Variants in SELENOF observed in about 807,000 individuals in gnomAD.
SELENOF encodes the protein selenoprotein F.
Under a neutral mutation model 20.5 loss-of-function variants are expected in SELENOF, and 16 were observed. The observed-to-expected ratio is 0.78, with a 90% confidence interval of 0.53 to 1.19. The LOEUF is 1.19. Ranked by LOEUF, SELENOF falls within the 50% of genes most tolerant of loss-of-function variation. SELENOF has a pLI of 0.00. For missense variants in SELENOF, 215 were observed against 194.2 expected (o/e 1.11, Z -0.64); for synonymous variants, 78 against 74.5 (o/e 1.05, Z -0.24).
At chr1:86,898,580 CTTTT>C (rs747362493) in intron 2 of SELENOF, among the ~76,000 whole-genome samples, 9 of 124,964 alleles carry the variant, frequency 7.2e-5, no homozygotes, top group African/African-American at 2.3e-4. Flanking sequence ...TTCTCTTCTT[CTTTT>C]TTTTTTTTTT....
At chr1:86,888,203 T>C (rs1370229540) in intron 2 of SELENOF, among the ~76,000 whole-genome samples, 1 of 149,534 alleles carries the variant, frequency 6.7e-6, no homozygotes, top group Non-Finnish European at 1.5e-5. Flanking sequence ...GAGGTTGCAG[T>C]GAGCTGAGAT....
intron 1 of SELENOF, among the ~76,000 whole-genome samples, chr1:86,907,262 G>C (rs1659854425): frequency 6.6e-6 from 1 of 152,104 alleles, no homozygotes; most frequent in African/African-American, 2.4e-5. Context: ...TTGGTATTAG[G>C]CTCACCTTCC....
intron 2 of SELENOF, among the ~76,000 whole-genome samples, chr1:86,885,624 A>C (rs1356224869): frequency 6.6e-6 from 1 of 152,194 alleles, no homozygotes; most frequent in Non-Finnish European, 1.5e-5. Context: ...GGTAACAATA[A>C]CCACGGCTCT....
chr1:86,883,169 G>T (rs1382326569), intron 2 of SELENOF, among the ~76,000 whole-genome samples: 1 of 150,854 alleles, frequency 6.6e-6, no homozygotes, highest in Non-Finnish European at 1.5e-5. Flanking sequence ...CAATATAAAC[G>T]AATCTTATTA....
At chr1:86,914,368 T>C (rs977423453), upstream of SELENOF, 4 of 528,996 alleles carry the variant, frequency 7.6e-6, no homozygotes, top group Non-Finnish European at 1.4e-5. Flanking sequence ...TTCACGACAC[T>C]TCGTCAAGCA....
chr1:86,871,809 A>G (rs1433571275), intron 3 of SELENOF, among the ~76,000 whole-genome samples: 1 of 140,906 alleles, frequency 7.1e-6, no homozygotes, highest in South Asian at 2.2e-4. Context: ...TGAATACATA[A>G]TATTATTTGT....
intron 1 of SELENOF, 45 bp from the exon 2 acceptor site, chr1:86,903,493 C>G (rs571015): frequency 3.4e-6 from 5 of 1,456,124 alleles, no homozygotes; most frequent in Non-Finnish European, 3.7e-6. Context: ...CATATTTATA[C>G]TACAAAGCTT....
At position 86,914,029 on chromosome 1, in the gene SELENOF, G is replaced by A. The variant is rs201462971; in HGVS notation, c.83C>T (p.Ala28Val). The A allele has an allele frequency of 4.2e-5, 68 of 1,613,528 alleles. No individual in the cohort carries two copies. Among genetic ancestry groups the A allele is most frequent in the Non-Finnish European group, 5.5e-5 (65 of 1,179,634 alleles). Residue 28 changes from alanine (A) to valine (V), a missense_variant and splice_region_variant, in exon 1 of 5, where the codon GCG becomes GTG. Physicochemically the swap from Ala to Val is moderately conservative, Grantham distance 64. Coordinates refer to ENST00000331835, the MANE Select transcript of SELENOF (RefSeq NM_004261.5). ...LRLLLATVLQAVSAFGAEFSS... is the reference protein window; with the variant it reads ...LRLLLATVLQVVSAFGAEFSS... The stretch of plus-strand genomic sequence containing the variant: ...GCTGCGAAGGTGATCTACACTCACC[G>A]CTTGAAGCACAGTCGCCAACAACAA...
rs539148437 is a variant in SELENOF at position 86,895,866 on chromosome 1, G to A, written c.252+7415C>T. ...AATTATATCAAAATATTTTGAAGGA[G>A]GAAGAAAGAAACTACAAGGACCTTG... On this transcript the variant is annotated intron_variant, in intron 2 of 4. Transcript: ENST00000331835. Among the ~76,000 whole-genome samples the A allele has an allele frequency of 3.9e-5, 6 of 152,204 alleles. No individual in the cohort carries two copies. In the South Asian group the frequency reaches 1.2e-3, roughly 32 times the overall value.
Position 86,880,523 on chromosome 1 carries a change from C to G in SELENOF, c.316+139G>C, listed in dbSNP as rs1267295685. The stretch of plus-strand genomic sequence containing the variant: ...CTTTAACAAACCACTTCCATGAAAA[C>G]AAATTGAAAAAAAAGCATATATTGT... On this transcript the variant is annotated intron_variant, in intron 3 of 4. Coordinates refer to ENST00000331835, the MANE Select transcript of SELENOF (RefSeq NM_004261.5). 19 of 494,568 alleles carry G rather than the reference C, an allele frequency of 3.8e-5. No homozygotes were observed. The East Asian group carries it at 6.0e-4, about 16-fold the overall frequency. 30.6% of individuals were successfully genotyped at this position (494,568 alleles called of 1,614,324 possible). A position where few individuals can be genotyped will look rare whatever the true frequency, so the allele number is the denominator to read the frequency against.
intron 1 of SELENOF, among the ~76,000 whole-genome samples, chr1:86,907,995 A>G (rs1446937053): frequency 7.1e-6 from 1 of 141,596 alleles, no homozygotes; most frequent in Non-Finnish European, 1.5e-5. Flanking sequence ...TCAAAAAAAA[A>G]AACAAAAAAA....
chr1:86,880,370 G>A (rs765843507), intron 3 of SELENOF, among the ~76,000 whole-genome samples: 2 of 151,996 alleles, frequency 1.3e-5, no homozygotes, highest in Non-Finnish European at 2.9e-5. Context: ...TCCTGACCTC[G>A]TGATCCACCC....
Position 86,869,518 on chromosome 1 carries a change from TAA to T in SELENOF, c.317-1418_317-1417del, listed in dbSNP as rs1423958248. Among the ~76,000 whole-genome samples, 3 of 152,294 alleles carry T rather than the reference TAA, an allele frequency of 2.0e-5. No individual in the cohort carries two copies. In the East Asian group the frequency reaches 5.8e-4, roughly 29 times the overall value. On this transcript the variant is annotated intron_variant, in intron 3 of 4. Coordinates refer to ENST00000331835, the MANE Select transcript of SELENOF (RefSeq NM_004261.5). ...AGCTCTAAACAAATCTTAAAATATA[TAA>T]AGTGGTTCAAAAAATGTTTACTGTT...
chr1:86,880,139 CT>C (rs201093710), intron 3 of SELENOF, among the ~76,000 whole-genome samples: 360 of 143,210 alleles, frequency 2.5e-3, no homozygotes, highest in Middle Eastern at 3.7e-3. Context: ...ATCTGAATTT[CT>C]TTTTTTTTTT....
chr1:86,903,635 G>T (rs1031053329), intron 1 of SELENOF, among the ~76,000 whole-genome samples, 187 bp from the exon 2 acceptor site: 1 of 151,754 alleles, frequency 6.6e-6, no homozygotes, highest in Admixed American at 6.6e-5. Flanking sequence ...TCTTGCTGTC[G>T]CCAGGCTGGA....
intron 1 of SELENOF, among the ~76,000 whole-genome samples, chr1:86,910,472 G>C (rs1659951024): frequency 6.6e-6 from 1 of 152,196 alleles, no homozygotes; most frequent in African/African-American, 2.4e-5. Context: ...TTGGGAGGCT[G>C]AGGCAGGCAG....
chr1:86,893,686 GAGAA>G (rs1176430823), intron 2 of SELENOF, among the ~76,000 whole-genome samples: 4 of 152,112 alleles, frequency 2.6e-5, no homozygotes, highest in South Asian at 2.1e-4. Context: ...TATAAAAAGA[GAGAA>G]AGAGGTAAGC....
At chr1:86,895,677 AAATT>A (rs1659503198) in intron 2 of SELENOF, among the ~76,000 whole-genome samples, 1 of 152,190 alleles carries the variant, frequency 6.6e-6, no homozygotes, top group South Asian at 2.1e-4. Flanking sequence ...ACTGAACAAT[AAATT>A]AGGCTGAAAT....
At chr1:86,905,305 T>C (rs1659800815) in intron 1 of SELENOF, among the ~76,000 whole-genome samples, 1 of 152,342 alleles carries the variant, frequency 6.6e-6, no homozygotes, top group Middle Eastern at 3.4e-3. Context: ...CCTCCTGCTA[T>C]AAGGAATTCC....
Sources: allele counts gnomAD v4.1 joint callset (sites outside exome capture counted in the v4.1 genomes callset), GRCh38; gene constraint gnomAD v4.1.1; transcripts MANE v1.5; gene names NCBI Gene and HGNC (gene_info 2026-07-23, HGNC 2026-07-21).